Variants in EIF2B3 observed in about 807,000 individuals in gnomAD.
EIF2B3 encodes eukaryotic translation initiation factor 2B subunit gamma.
Under a neutral mutation model 54.1 loss-of-function variants are expected in EIF2B3, and 20 were observed. That is an observed-to-expected ratio of 0.37 (90% confidence interval 0.26 to 0.54). The LOEUF is 0.54. Ranked by LOEUF, EIF2B3 falls within the 20% of genes least tolerant of loss-of-function variation. EIF2B3 has a pLI of 0.86. For missense variants in EIF2B3, 448 were observed against 547.8 expected (o/e 0.82, Z 1.82); for synonymous variants, 153 against 188.1 (o/e 0.81, Z 1.52).
intron 4 of EIF2B3, among the ~76,000 whole-genome samples, chr1:44,937,880 T>C (rs548382963): frequency 7.1e-5 from 4 of 56,688 alleles, no homozygotes; most frequent in African/African-American, 2.9e-4. Flanking sequence ...CGAGACTCCG[T>C]CTCAAAAAAA....
intron 6 of EIF2B3, among the ~76,000 whole-genome samples, chr1:44,890,022 T>C (rs994263462): frequency 6.6e-6 from 1 of 152,212 alleles, no homozygotes; most frequent in African/African-American, 2.4e-5. Context: ...ATGGCAGTTA[T>C]CAGGGAATAC....
intron 10 of EIF2B3, among the ~76,000 whole-genome samples, chr1:44,864,070 G>A (rs1055191569): frequency 8.5e-5 from 13 of 152,130 alleles, no homozygotes; most frequent in African/African-American, 3.1e-4. Flanking sequence ...CTAAGTCCTT[G>A]TATTCCCTAA....
At chr1:44,918,876 A>G (rs1200075376) in intron 5 of EIF2B3, among the ~76,000 whole-genome samples, 1 of 152,204 alleles carries the variant, frequency 6.6e-6, no homozygotes, top group African/African-American at 2.4e-5. Context: ...TCAATAATCA[A>G]TGCTTAAGTT....
intron 6 of EIF2B3, among the ~76,000 whole-genome samples, chr1:44,890,284 C>T (rs1211467377): frequency 2.0e-5 from 3 of 152,144 alleles, no homozygotes; most frequent in Non-Finnish European, 2.9e-5. Flanking sequence ...AGGGCTCTAC[C>T]GTGAGGCCAG....
intron 6 of EIF2B3, among the ~76,000 whole-genome samples, chr1:44,895,530 A>C (rs74377937): frequency 0.053 from 7,911 of 150,270 alleles, 249 homozygotes; most frequent in Middle Eastern, 0.096. Context: ...CTCTCTCTCT[A>C]TATATATATA....
At chr1:44,924,199 C>CAA (rs537315164) in intron 5 of EIF2B3, among the ~76,000 whole-genome samples, 222 of 152,232 alleles carry the variant, frequency 1.5e-3, no homozygotes, top group African/African-American at 5.2e-3. Context: ...CTAGGCCTCC[C>CAA]AAAGTGCTGG....
chr1:44,926,405 CT>C (rs1367070613), intron 5 of EIF2B3, among the ~76,000 whole-genome samples: 1 of 151,988 alleles, frequency 6.6e-6, no homozygotes, highest in African/African-American at 2.4e-5. Context: ...CTTTGCTTTA[CT>C]CTTTTGCAGG....
intron 3 of EIF2B3, among the ~76,000 whole-genome samples, chr1:44,977,770 C>CT (rs1311504629): frequency 4.6e-5 from 7 of 151,886 alleles, no homozygotes; most frequent in African/African-American, 1.2e-4. Context: ...TAGAGTATGT[C>CT]TTTTTTTTCT....
chr1:44,896,954 C>A (rs1385842714), intron 6 of EIF2B3, among the ~76,000 whole-genome samples: 2 of 152,082 alleles, frequency 1.3e-5, no homozygotes, highest in African/African-American at 4.8e-5. Flanking sequence ...GTCTGTAGCC[C>A]TTTGCTAAGA....
intron 3 of EIF2B3, among the ~76,000 whole-genome samples, chr1:44,952,396 G>A (rs1042538831): frequency 1.3e-5 from 2 of 151,994 alleles, no homozygotes; most frequent in African/African-American, 4.8e-5. Flanking sequence ...CACTGAGCCT[G>A]GCCCTACTGA....
At chr1:44,876,852 GAA>G (rs1235364914) in intron 8 of EIF2B3, among the ~76,000 whole-genome samples, 3 of 142,580 alleles carry the variant, frequency 2.1e-5, no homozygotes, top group African/African-American at 8.2e-5. Context: ...TCTGTACTAA[GAA>G]AAATTCTTCT....
intron 6 of EIF2B3, among the ~76,000 whole-genome samples, chr1:44,887,054 G>C (rs1029209973): frequency 6.6e-6 from 1 of 152,198 alleles, no homozygotes; most frequent in African/African-American, 2.4e-5. Context: ...ACTGGGGATT[G>C]TGGGTAAGCT....
chr1:44,936,486 G>A (rs537694691), intron 4 of EIF2B3, among the ~76,000 whole-genome samples: 3 of 151,900 alleles, frequency 2.0e-5, no homozygotes, highest in South Asian at 2.1e-4. Flanking sequence ...ACCTACTCAG[G>A]AGGCTGAGGC....
intron 4 of EIF2B3, among the ~76,000 whole-genome samples, chr1:44,936,837 T>A (rs1415115853): frequency 2.0e-5 from 3 of 152,218 alleles, no homozygotes; most frequent in African/African-American, 7.2e-5. Flanking sequence ...TTATTAAGCA[T>A]CTACTATCTT....
chr1:44,928,740 G>C (rs1025095858), intron 4 of EIF2B3, among the ~76,000 whole-genome samples: 6 of 152,086 alleles, frequency 3.9e-5, no homozygotes, highest in Non-Finnish European at 5.9e-5. Context: ...TCCCCGACTA[G>C]ATTATAAACT....
chr1:44,922,262 T>G (rs561645561), intron 5 of EIF2B3, among the ~76,000 whole-genome samples: 6 of 151,610 alleles, frequency 4.0e-5, no homozygotes, highest in African/African-American at 9.7e-5. Flanking sequence ...GTGAAGAATG[T>G]CATTGGTATT....
chr1:44,933,556 T>C (rs996700111), intron 4 of EIF2B3, among the ~76,000 whole-genome samples: 8 of 152,090 alleles, frequency 5.3e-5, no homozygotes, highest in Admixed American at 2.0e-4. Flanking sequence ...TGAGGATAGA[T>C]AGGGTGAGGG....
chr1:44,943,416 A>G (rs188911277), intron 3 of EIF2B3, among the ~76,000 whole-genome samples: 1 of 134,634 alleles, frequency 7.4e-6, no homozygotes, highest in East Asian at 2.0e-4. Context: ...ATCTATATCT[A>G]TATCTAAATT....
chr1:44,957,789 AT>A (rs1256373014), intron 3 of EIF2B3, among the ~76,000 whole-genome samples: 2 of 152,296 alleles, frequency 1.3e-5, no homozygotes, highest in East Asian at 3.9e-4. Context: ...GCAAATTAAA[AT>A]TCAAATGACT....
Sources: allele counts gnomAD v4.1 joint callset (sites outside exome capture counted in the v4.1 genomes callset), GRCh38; gene constraint gnomAD v4.1.1; transcripts MANE v1.5; gene names NCBI Gene and HGNC (gene_info 2026-07-23, HGNC 2026-07-21).